MCTP1: variants seen among roughly 807,000 people sequenced by gnomAD.
MCTP1 encodes multiple C2 and transmembrane domain containing 1.
In MCTP1, 69 loss-of-function variants were observed where a neutral mutation model predicts 120.6. The observed-to-expected ratio is 0.57, with a 90% CI of 0.47 to 0.70. The LOEUF (loss-of-function observed/expected upper bound fraction) is 0.70. MCTP1 is among the 30% of genes least tolerant of loss of function. The pLI is 0.00. For synonymous variants in MCTP1, 529 were observed against 493.1 expected, an observed-to-expected ratio of 1.07 and a Z score of -0.96; for missense variants, 1,203 against 1,248.8, an observed-to-expected ratio of 0.96 and a Z score of 0.55.
At chr5:94,761,938 A>G (rs887755818) in intron 19 of MCTP1, among the ~76,000 whole-genome samples, 3 of 152,204 alleles carry the variant, frequency 2.0e-5, no homozygotes, top group Non-Finnish European at 4.4e-5. Context: ...CCAAGCTGCC[A>G]TGGTATGAGA....
intron 12 of MCTP1, among the ~76,000 whole-genome samples, chr5:94,880,959 A>T (rs886254678): frequency 1.3e-5 from 2 of 152,122 alleles, no homozygotes; most frequent in Non-Finnish European, 2.9e-5. Flanking sequence ...AATGTTCATT[A>T]TCTGCTGTCC....
chr5:95,179,348 T>C (rs910567863), intron 1 of MCTP1, among the ~76,000 whole-genome samples: 1 of 152,158 alleles, frequency 6.6e-6, no homozygotes, highest in Non-Finnish European at 1.5e-5. Flanking sequence ...GGAAATTCAT[T>C]ACAAAAAGAT....
intron 2 of MCTP1, among the ~76,000 whole-genome samples, chr5:94,978,716 G>T (rs1828681734): frequency 6.6e-6 from 1 of 152,074 alleles, no homozygotes; most frequent in Non-Finnish European, 1.5e-5. Context: ...GGAATGGGGT[G>T]TTTCCAGTCA....
intron 2 of MCTP1, among the ~76,000 whole-genome samples, chr5:94,999,367 T>A (rs1833210018): frequency 6.6e-6 from 1 of 152,208 alleles, no homozygotes. Flanking sequence ...AGCATAAAAC[T>A]GTCCTTTGTT....
Position 94,954,159 on chromosome 5 carries a change from C to CAT in MCTP1, c.839-800_839-799dup, listed in dbSNP as rs1207025588. On this transcript the variant is annotated intron_variant, in intron 2 of 22. Transcript: ENST00000515393. Reference sequence around the variant, plus strand: ...ATGCATATATATACATATATATATGCATATATATACATATATATATATGCA... The same window carrying CAT: ...ATGCATATATATACATATATATATGCATATATATATACATATATATATATGCA... Among the ~76,000 whole-genome samples, 37 of 78,286 alleles carry CAT rather than the reference C, an allele frequency of 4.7e-4. 4 individuals carry two copies. Among genetic ancestry groups the CAT allele is most frequent in the African/African-American group, 2.0e-3 (35 of 17,886 alleles). The allele number at this position is 78,286 out of a possible 152,430, so 51.4% of individuals were successfully genotyped here. A position where few individuals can be genotyped will look rare whatever the true frequency, so the allele number is the denominator to read the frequency against.
chr5:95,096,101 C>A (rs544336346), intron 1 of MCTP1, among the ~76,000 whole-genome samples: 2 of 152,284 alleles, frequency 1.3e-5, no homozygotes, highest in Admixed American at 1.3e-4. Context: ...TAGACTCATT[C>A]AGAAGTGCCA....
intron 10 of MCTP1, among the ~76,000 whole-genome samples, chr5:94,905,534 T>A (rs546646310): frequency 6.6e-6 from 1 of 152,122 alleles, no homozygotes; most frequent in South Asian, 2.1e-4. Flanking sequence ...ATAGAGATGA[T>A]GAGCGGTCGA....
At chr5:94,854,513 A>T (rs1794363729) in intron 17 of MCTP1, among the ~76,000 whole-genome samples, 1 of 151,910 alleles carries the variant, frequency 6.6e-6, no homozygotes. Context: ...TATGGCTAAG[A>T]TGTTTGATTA....
chr5:95,068,923 G>T (rs1751387342), intron 1 of MCTP1: 1 of 529,662 alleles, frequency 1.9e-6, no homozygotes, highest in Non-Finnish European at 2.7e-6. Flanking sequence ...AGCGAATTAG[G>T]CTTAGTTCCA....
intron 2 of MCTP1, among the ~76,000 whole-genome samples, chr5:94,995,853 T>C (rs1393775534): frequency 6.6e-6 from 1 of 152,136 alleles, no homozygotes; most frequent in Non-Finnish European, 1.5e-5. Flanking sequence ...TTCTAGTTAA[T>C]AGGTGTCTCA....
intron 17 of MCTP1, among the ~76,000 whole-genome samples, chr5:94,803,122 T>C (rs1370979512): frequency 1.3e-5 from 2 of 152,254 alleles, no homozygotes; most frequent in Non-Finnish European, 2.9e-5. Flanking sequence ...CTATGTTAGT[T>C]ATCCATGTTC....
At chr5:94,844,738 A>C (rs78607984) in intron 17 of MCTP1, among the ~76,000 whole-genome samples, 1 of 152,090 alleles carries the variant, frequency 6.6e-6, no homozygotes. Flanking sequence ...TATATTGATG[A>C]TTTTCTAAAA....
chr5:94,974,709 C>T lies in MCTP1; in HGVS notation c.839-21348G>A, dbSNP rs568847116. On this transcript the variant is annotated intron_variant, in intron 2 of 22. Coordinates refer to ENST00000515393, the MANE Select transcript of MCTP1 (RefSeq NM_024717.7). Reference sequence around the variant, plus strand: ...AAAGTGCCATTAAAATAACCAGATCCTATAGAATATATGCATGAAAAAAAT... The same window carrying T: ...AAAGTGCCATTAAAATAACCAGATCTTATAGAATATATGCATGAAAAAAAT... Among the ~76,000 whole-genome samples the T allele has an allele frequency of 4.6e-5, 7 of 151,670 alleles. No homozygotes were observed. In the South Asian group the frequency reaches 1.5e-3, roughly 32 times the overall value.
At position 94,705,093 on chromosome 5, in the gene MCTP1, T is replaced by C. The variant is rs1434135011; in HGVS notation, c.*2403A>G. 2.6e-5 allele frequency: 4 copies of C among 151,478 alleles called. No individual in the cohort carries two copies. Among genetic ancestry groups the C allele is most frequent in the Admixed American group, 2.6e-4 (4 of 15,162 alleles). 9.4% of individuals were successfully genotyped at this position (151,478 alleles called of 1,614,324 possible). On this transcript the variant is annotated 3_prime_UTR_variant, in exon 23 of 23. Transcript: ENST00000515393. ...ATTTAGTAGTTCACAATATCTATAA[T>C]AGTTAGCAGTCCAAGTAGATGTTTG...
At chr5:95,052,369 T>A (rs1185470922) in intron 1 of MCTP1, among the ~76,000 whole-genome samples, 1 of 152,202 alleles carries the variant, frequency 6.6e-6, no homozygotes, top group Non-Finnish European at 1.5e-5. Context: ...ACCCAGGAAT[T>A]TGCTCAAAAA....
intron 6 of MCTP1, chr5:94,931,165 G>T (rs1300098457): frequency 6.6e-6 from 1 of 152,012 alleles, no homozygotes; most frequent in Non-Finnish European, 1.5e-5. Flanking sequence ...TTAGGTAAAA[G>T]CATGATTCAA....
At chr5:95,171,643 C>T (rs1394963192) in intron 1 of MCTP1, among the ~76,000 whole-genome samples, 2 of 152,176 alleles carry the variant, frequency 1.3e-5, no homozygotes, top group East Asian at 1.9e-4. Context: ...CTTCTCTTCT[C>T]GCTTCATTTC....
chr5:94,854,601 G>C (rs1343900866), intron 17 of MCTP1, among the ~76,000 whole-genome samples: 4 of 151,820 alleles, frequency 2.6e-5, no homozygotes, highest in African/African-American at 9.7e-5. Context: ...CGAGCTCGCT[G>C]ACTAAGGAGT....
intron 1 of MCTP1, among the ~76,000 whole-genome samples, chr5:95,204,043 T>C (rs1420126727): frequency 6.6e-6 from 1 of 152,158 alleles, no homozygotes; most frequent in Admixed American, 6.5e-5. Context: ...TTTTTGTGCT[T>C]GAAAATCAAT....
Sources: allele counts gnomAD v4.1 joint callset (sites outside exome capture counted in the v4.1 genomes callset), GRCh38; gene constraint gnomAD v4.1.1; transcripts MANE v1.5; gene names NCBI Gene and HGNC (gene_info 2026-07-23, HGNC 2026-07-21).